Variants in RAB3A observed in about 807,000 individuals in gnomAD.
The protein encoded by RAB3A is ras-related protein Rab-3A.
Under a neutral mutation model 19.7 loss-of-function variants are expected in RAB3A, and 5 were observed. That is an observed-to-expected ratio of 0.25 (90% CI 0.13 to 0.53). The LOEUF is 0.53. RAB3A is among the 20% of genes least tolerant of loss of function. The pLI is 0.95. For synonymous variants in RAB3A, 119 were observed against 122.1 expected (o/e 0.97, Z 0.17); for missense variants, 189 against 305.6 (o/e 0.62, Z 2.85).
At position 18,202,926 on chromosome 19, in the gene RAB3A, C is replaced by T. The variant is rs555634205; in HGVS notation, c.1-186G>A. On this transcript the variant is annotated intron_variant, in intron 1 of 4. Coordinates refer to ENST00000222256, the MANE Select transcript of RAB3A (RefSeq NM_002866.5). The surrounding 1 kb of genome is among the most constrained non-coding windows in gnomAD (Gnocchi z 4.2). The stretch of plus-strand genomic sequence containing the variant: ...AGAGGGCAGCCTGTGACCTTGAAAT[C>T]CTGGGCGTTTCAGAGGAGGGGCTCA... 5.6e-4 allele frequency: 325 copies of T among 577,482 alleles called. 4 individuals are homozygous for T. The South Asian group carries it at 6.1e-3, about 11-fold the overall frequency. The allele number at this position is 577,482 out of a possible 1,614,324, so 35.8% of individuals were successfully genotyped here.
At chr19:18,199,510 T>A (rs891284792) in intron 3 of RAB3A, among the ~76,000 whole-genome samples, 1 of 151,102 alleles carries the variant, frequency 6.6e-6, no homozygotes, top group Non-Finnish European at 1.5e-5. Flanking sequence ...ATGTTTACAA[T>A]CTCTAACCTA....
In RAB3A at chr19:18,197,458, G is replaced by A. The variant is rs1428978312; in HGVS notation, c.*12C>T. On this transcript the variant is annotated 3_prime_UTR_variant, in exon 5 of 5. Transcript: ENST00000222256. ...GAAGACAGGGAAGAGGGGAAAGGGA[G>A]TGGGATGGCTCTCAGCAGGCGCAGT... The A allele has an allele frequency of 6.2e-7, 1 of 1,605,208 alleles. No individual in the cohort carries two copies. The highest frequency in any genetic ancestry group is 8.5e-7 in the Non-Finnish European group (1 of 1,174,956).
At chr19:18,199,992 T>C (rs1967585523) in intron 3 of RAB3A, among the ~76,000 whole-genome samples, 1 of 151,978 alleles carries the variant, frequency 6.6e-6, no homozygotes. Context: ...CCAGAATGAG[T>C]GTGGAAGGCC....
At chr19:18,198,109 C>T (rs1160750945) in intron 4 of RAB3A, among the ~76,000 whole-genome samples, 1 of 151,972 alleles carries the variant, frequency 6.6e-6, no homozygotes, top group Non-Finnish European at 1.5e-5. Flanking sequence ...TGCCCTGCAG[C>T]GTCCAGCCCA....
In RAB3A at chr19:18,198,991, C is replaced by T. The variant is rs141699847; in HGVS notation, c.348-142G>A. ...TCCATCCTCCCCACCATCCTTTCCC[C>T]CAATGTGCCCCGCTTTCACCCCACT... On this transcript the variant is annotated intron_variant, in intron 3 of 4. Transcript: ENST00000222256. 6.8e-6 allele frequency: 7 copies of T among 1,034,364 alleles called. No homozygotes were observed. In the East Asian group the frequency reaches 1.9e-4, roughly 28 times the overall value. 64.1% of individuals were successfully genotyped at this position (1,034,364 alleles called of 1,614,324 possible).
rs1555819265 is a variant in RAB3A, at chr19:18,201,263, A to AGAAAG, written c.229-819_229-818insCTTTC. Among the ~76,000 whole-genome samples the AGAAAG allele has an allele frequency of 1.6e-3, 190 of 121,792 alleles. 1 individual carries two copies. The highest frequency in any genetic ancestry group is 6.1e-3 in the East Asian group (25 of 4,082). 79.9% of individuals were successfully genotyped at this position (121,792 alleles called of 152,430 possible). A position where few individuals can be genotyped will look rare whatever the true frequency, so the allele number is the denominator to read the frequency against. On this transcript the variant is annotated intron_variant, in intron 2 of 4. Transcript: ENST00000222256. ...AACAATAACAACAAAAAAAAAAAAA[A>AGAAAG]AAAGAAAGAAAGAAAGAAAGAAAGA...
chr19:18,202,616 T>C lies in RAB3A; in HGVS notation c.125A>G (p.Tyr42Cys). The C allele has an allele frequency of 1.2e-6, 2 of 1,614,182 alleles. No individual in the cohort carries two copies. The highest frequency in any genetic ancestry group is 2.2e-5 in the East Asian group (1 of 44,876). Residue 42 changes from tyrosine to cysteine, a missense_variant, in exon 2 of 5, where the codon TAT becomes TGT. Physicochemically the swap from Tyr to Cys is radical, Grantham distance 194 (BLOSUM62 -2). Coordinates refer to ENST00000222256, the MANE Select transcript of RAB3A (RefSeq NM_002866.5). This position sits in a 1 kb window ranked among gnomAD's most constrained non-coding sequence, Gnocchi z 4.2. The part of the protein sequence containing the change: ...SVGKTSFLFR[Y>C]ADDSFTPAFV... ...GGCAGGCGTGAACGAGTCGTCAGCATAGCGGAAGAGGAAGGACGTCTTGCC... is the reference window on the plus strand; with the variant it reads ...GGCAGGCGTGAACGAGTCGTCAGCACAGCGGAAGAGGAAGGACGTCTTGCC...
Position 18,203,987 on chromosome 19 carries a change from CGCG to C in RAB3A, c.-95_-93del. ...ACCCCGGTGCGTTGATGTGGGGCTG[CGCG>C]GCGGCGGCGGCAGCAGCGGCTCAGG... On this transcript the variant is annotated 5_prime_UTR_variant, in exon 1 of 5. Transcript: ENST00000222256. 11 of 158,680 alleles carry C rather than the reference CGCG, an allele frequency of 6.9e-5. No individual in the cohort carries two copies. Among genetic ancestry groups the C allele is most frequent in the South Asian group, 3.0e-4 (2 of 6,562 alleles). 9.8% of individuals were successfully genotyped at this position (158,680 alleles called of 1,614,324 possible).
intron 3 of RAB3A, 88 bp from the exon 4 acceptor site, chr19:18,198,937 C>A (rs113704268): frequency 2.0e-6 from 3 of 1,502,398 alleles, no homozygotes; most frequent in African/African-American, 1.4e-5. Flanking sequence ...TGTCCTTGTC[C>A]GAGGAAGAAA....
rs993865993 is a variant in RAB3A at position 18,202,491 on chromosome 19, G to A, written c.228+22C>T. On this transcript the variant is annotated intron_variant, in intron 2 of 4. Transcript: ENST00000222256. The surrounding 1 kb of genome is among the most constrained non-coding windows in gnomAD (Gnocchi z 4.2). ...ACGGGAATCCAACCGAGCCGGGCGG[G>A]AGCCCTCCAGCTGGGACCCACCCAG... is the stretch of plus-strand genomic sequence containing the variant. 15 of 1,607,736 alleles carry A rather than the reference G, an allele frequency of 9.3e-6. No individual in the cohort carries two copies. The highest frequency in any genetic ancestry group is 4.5e-5 in the East Asian group (2 of 44,778).
rs1490560746 is a variant in RAB3A, at chr19:18,202,774, G to A, written c.1-34C>T. On this transcript the variant is annotated intron_variant, in intron 1 of 4. Coordinates refer to ENST00000222256, the MANE Select transcript of RAB3A (RefSeq NM_002866.5). The surrounding 1 kb of genome is among the most constrained non-coding windows in gnomAD (Gnocchi z 4.2). ...ACCGGGTGTAGCAGAGCCGTGAGGG[G>A]GGCTCTCTCCATCCTCATGTGCCCA... is the stretch of plus-strand genomic sequence containing the variant. The A allele has an allele frequency of 6.4e-7, 1 of 1,554,784 alleles. No individual in the cohort carries two copies. Among genetic ancestry groups the A allele is most frequent in the Non-Finnish European group, 8.9e-7 (1 of 1,128,084 alleles).
chr19:18,200,167 C>CA (rs2147981996), intron 3 of RAB3A, among the ~76,000 whole-genome samples, 160 bp downstream of exon 3: 1 of 152,216 alleles, frequency 6.6e-6, no homozygotes. Flanking sequence ...CCTGTAGTCC[C>CA]AGCTACTTGG....
rs1967572249 is a variant in RAB3A at position 18,198,983 on chromosome 19, C to T, written c.348-134G>A. The T allele has an allele frequency of 5.3e-6, 6 of 1,138,526 alleles. No homozygotes were observed. The Admixed American group carries it at 1.6e-4, about 31-fold the overall frequency. 70.5% of individuals were successfully genotyped at this position (1,138,526 alleles called of 1,614,324 possible). On this transcript the variant is annotated intron_variant, in intron 3 of 4. Transcript: ENST00000222256. ...CTTGCCCCTCCATCCTCCCCACCAT[C>T]CTTTCCCCCAATGTGCCCCGCTTTC... is the stretch of plus-strand genomic sequence containing the variant.
chr19:18,199,799 T>C (rs1967583663), intron 3 of RAB3A, among the ~76,000 whole-genome samples: 1 of 152,084 alleles, frequency 6.6e-6, no homozygotes, highest in African/African-American at 2.4e-5. Context: ...GCTGGGATTA[T>C]AGGTGTGAGC....
At chr19:18,200,227 G>A (rs1967588628) in intron 3 of RAB3A, 100 bp downstream of exon 3, 8 of 971,332 alleles carry the variant, frequency 8.2e-6, no homozygotes, top group Non-Finnish European at 1.2e-5. Context: ...AGGCTGCAGT[G>A]AGCCCTGATC....
rs987919262 is a variant in RAB3A at position 18,199,645 on chromosome 19, T to C, written c.347+682A>G. On this transcript the variant is annotated intron_variant, in intron 3 of 4. Transcript: ENST00000222256. Reference sequence around the variant, plus strand: ...TTCGAGCGATTCTCCTGCCTCAGGCTCCCAAGTAGCTGGGATTACAGGTGT... The same window carrying C: ...TTCGAGCGATTCTCCTGCCTCAGGCCCCCAAGTAGCTGGGATTACAGGTGT... 3.3e-5 allele frequency among the ~76,000 whole-genome samples: 5 copies of C among 152,156 alleles called. 1 individual carries two copies. Among genetic ancestry groups the C allele is most frequent in the Admixed American group, 3.3e-4 (5 of 15,262 alleles).
Position 18,197,403 on chromosome 19 carries a change from G to T in RAB3A, c.*67C>A. ...TGTGCCCGTGGCTGGTAGGGGCCGG[G>T]TCAGGCCCGGGTAGTTGGGGGAAGG... On this transcript the variant is annotated 3_prime_UTR_variant, in exon 5 of 5. Coordinates refer to ENST00000222256, the MANE Select transcript of RAB3A (RefSeq NM_002866.5). The T allele has an allele frequency of 6.6e-7, 1 of 1,519,620 alleles. No individual in the cohort carries two copies. The highest frequency in any genetic ancestry group is 8.9e-7 in the Non-Finnish European group (1 of 1,119,006). 94.1% of individuals were successfully genotyped at this position (1,519,620 alleles called of 1,614,324 possible).
chr19:18,202,086 C>T lies in RAB3A; in HGVS notation c.228+427G>A, dbSNP rs937010585. On this transcript the variant is annotated intron_variant, in intron 2 of 4. Coordinates refer to ENST00000222256, the MANE Select transcript of RAB3A (RefSeq NM_002866.5). This position sits in a 1 kb window ranked among gnomAD's most constrained non-coding sequence, Gnocchi z 4.2. ...CTGTCTCTACAAAAAAGAAAAAAAT[C>T]AGCAGGCGTGGTGGTAGAAGCCCGT... Among the ~76,000 whole-genome samples the T allele has an allele frequency of 1.3e-5, 2 of 152,038 alleles. No individual in the cohort carries two copies. The highest frequency in any genetic ancestry group is 4.8e-5 in the African/African-American group (2 of 41,392).
intron 4 of RAB3A, among the ~76,000 whole-genome samples, chr19:18,198,275 C>G (rs1353353555): frequency 1.3e-5 from 2 of 152,196 alleles, no homozygotes; most frequent in Non-Finnish European, 2.9e-5. Context: ...TTTCCTCCAG[C>G]TGACCCTCAT....
Sources: allele counts gnomAD v4.1 joint callset (sites outside exome capture counted in the v4.1 genomes callset), GRCh38; gene constraint gnomAD v4.1.1; non-coding constraint Gnocchi (gnomAD v3.1); transcripts MANE v1.5; gene names NCBI Gene and HGNC (gene_info 2026-07-23, HGNC 2026-07-21).